The following FHIP2A variants were observed in gnomAD, a reference collection of about 807,000 sequenced individuals.
The protein encoded by FHIP2A is family with sequence similarity 160 member B1.
FHIP2A carries 46 observed loss-of-function variants against 93.5 expected under a neutral mutation model. The observed-to-expected ratio is 0.49, with a 90% CI of 0.39 to 0.63. FHIP2A has a LOEUF of 0.63. Ranked by LOEUF, FHIP2A falls within the 20% of genes least tolerant of loss-of-function variation. FHIP2A has a pLI of 0.00. For missense variants in FHIP2A, 769 were observed against 909.7 expected (o/e 0.85, Z 1.99); for synonymous variants, 332 against 326.5 (o/e 1.02, Z -0.18).
At chr10:114,841,320 T>G (rs1349636133) in intron 5 of FHIP2A, among the ~76,000 whole-genome samples, 7 of 125,204 alleles carry the variant, frequency 5.6e-5, no homozygotes, top group Admixed American at 9.7e-5. Context: ...TGAGGTGGAG[T>G]CTTGCTCTGT....
chr10:114,874,658 A>G (rs1230935571), intron 16 of FHIP2A, among the ~76,000 whole-genome samples: 1 of 152,034 alleles, frequency 6.6e-6, no homozygotes, highest in African/African-American at 2.4e-5. Context: ...GCGTGCCACC[A>G]TGCCCCGCTA....
intron 4 of FHIP2A, among the ~76,000 whole-genome samples, 172 bp downstream of exon 4, chr10:114,835,813 G>A (rs1437788517): frequency 1.3e-5 from 2 of 152,152 alleles, no homozygotes; most frequent in African/African-American, 2.4e-5. Context: ...TGTATTTACA[G>A]TGTACTTACA....
chr10:114,895,781 C>T lies in FHIP2A; in HGVS notation c.2193-3709C>T, dbSNP rs1404837844. Among the ~76,000 whole-genome samples the T allele has an allele frequency of 2.0e-5, 3 of 152,238 alleles. No individual in the cohort carries two copies. The East Asian group carries it at 5.8e-4, about 29-fold the overall frequency. On this transcript the variant is annotated intron_variant, in intron 16 of 16. Coordinates refer to the FHIP2A transcript ENST00000369250. The stretch of plus-strand genomic sequence containing the variant: ...ATCTAGCTGAACAACTATCCCTAAA[C>T]GAGCAAAAAAGATTCTGATTTGAGG...
chr10:114,835,733 A>T, intron 4 of FHIP2A, 92 bp downstream of exon 4: 1 of 795,532 alleles, frequency 1.3e-6, no homozygotes, highest in Non-Finnish European at 1.9e-6. Flanking sequence ...AAAAATAATG[A>T]AATTATTCCA....
Position 114,861,662 on chromosome 10 carries a change from G to A in FHIP2A, c.*122G>A, listed in dbSNP as rs1450244571. 2 of 1,449,744 alleles carry A rather than the reference G, an allele frequency of 1.4e-6. No homozygotes were observed. Among genetic ancestry groups the A allele is most frequent in the Non-Finnish European group, 1.8e-6 (2 of 1,108,490 alleles). 89.8% of individuals were successfully genotyped at this position (1,449,744 alleles called of 1,614,324 possible). On this transcript the variant is annotated 3_prime_UTR_variant, in exon 17 of 17. Transcript: ENST00000369248. ...TTTAAACGCAGTATTGCTGTAAACT[G>A]GACAGAACCATTAAGAACCTATTGA...
In FHIP2A at chr10:114,843,777, A is replaced by G. The variant is rs1592018726; in HGVS notation, c.853A>G (p.Met285Val). 1.3e-6 allele frequency: 2 copies of G among 1,576,156 alleles called. No homozygotes were observed. The highest frequency in any genetic ancestry group is 1.7e-6 in the Non-Finnish European group (2 of 1,168,272). Residue 285 changes from methionine (M) to valine (V), a missense_variant, in exon 7 of 17, where the codon ATG (methionine) becomes GTG (valine). Met to Val is a conservative substitution (Grantham distance 21). Transcript: ENST00000369248. ...AGCTGTGAAGGCATGTGAAGGCTTG[A>G]TGCTGTTAGTAAGTTTGCCAGAGCC... ...RIAVKACEGL[M>V]LLVSLPEPAA...
downstream of FHIP2A, among the ~76,000 whole-genome samples, chr10:114,867,941 AT>A (rs3981290): frequency 0.12 from 16,339 of 140,882 alleles, 948 homozygotes; most frequent in East Asian, 0.26. Flanking sequence ...GTGCTTTATA[AT>A]TTTTTTTTTT....
chr10:114,884,406 G>C (rs916674280), intron 16 of FHIP2A, among the ~76,000 whole-genome samples: 1 of 152,168 alleles, frequency 6.6e-6, no homozygotes, highest in Non-Finnish European at 1.5e-5. Context: ...TTAAACTGCT[G>C]ATCTGCCACG....
chr10:114,849,434 G>T (rs1372910959), intron 13 of FHIP2A, among the ~76,000 whole-genome samples: 1 of 152,072 alleles, frequency 6.6e-6, no homozygotes, highest in Non-Finnish European at 1.5e-5. Context: ...CTGCTGCCCA[G>T]CTCTCACTCC....
rs2083617531 is a variant in FHIP2A at position 114,833,191 on chromosome 10, T to A, written c.125-42T>A. 2.0e-6 allele frequency: 3 copies of A among 1,510,720 alleles called. No homozygotes were observed. The South Asian group carries it at 3.6e-5, about 18-fold the overall frequency. The allele number at this position is 1,510,720 out of a possible 1,614,324, so 93.6% of individuals were successfully genotyped here. A position where few individuals can be genotyped will look rare whatever the true frequency, so the allele number is the denominator to read the frequency against. On this transcript the variant is annotated intron_variant, in intron 2 of 16. Transcript: ENST00000369248. Reference sequence around the variant, plus strand: ...GTATTTTAGGTGCAAATATGCAGTTTAAAAATGTTTAAATATTTGATGAAT... The same window carrying A: ...GTATTTTAGGTGCAAATATGCAGTTAAAAAATGTTTAAATATTTGATGAAT...
exon 17 of FHIP2A, chr10:114,899,747 G>C: frequency 2.2e-6 from 1 of 446,400 alleles, no homozygotes; most frequent in East Asian, 3.3e-5. Flanking sequence ...AAAATCAGGG[G>C]GCTATTACTG....
intron 16 of FHIP2A, among the ~76,000 whole-genome samples, chr10:114,883,197 A>C (rs1354631187): frequency 6.6e-6 from 1 of 152,194 alleles, no homozygotes; most frequent in Non-Finnish European, 1.5e-5. Context: ...GAAACATGGA[A>C]TAGCAGGACC....
intron 16 of FHIP2A, among the ~76,000 whole-genome samples, chr10:114,896,962 G>T (rs1592037993): frequency 2.6e-5 from 4 of 152,272 alleles, no homozygotes; most frequent in Admixed American, 2.0e-4. Flanking sequence ...GACTAATTAG[G>T]AATATAGTAA....
intron 16 of FHIP2A, among the ~76,000 whole-genome samples, chr10:114,888,235 A>G (rs1483733278): frequency 6.6e-6 from 1 of 152,302 alleles, no homozygotes. Flanking sequence ...GTTGGTTTCT[A>G]TAACTCTGAG....
chr10:114,853,510 A>G (rs1592022996), intron 13 of FHIP2A, among the ~76,000 whole-genome samples: 1 of 152,226 alleles, frequency 6.6e-6, no homozygotes, highest in East Asian at 1.9e-4. Flanking sequence ...AAGTAAAGAC[A>G]ATAAAAGTAA....
intron 16 of FHIP2A, among the ~76,000 whole-genome samples, chr10:114,871,606 AAACCTCTAT>A (rs2143014252): frequency 6.6e-6 from 1 of 152,300 alleles, no homozygotes; most frequent in Non-Finnish European, 1.5e-5. Flanking sequence ...CCCTCTGCAG[AAACCTCTAT>A]TACATAATTG....
chr10:114,861,861 T>A lies in FHIP2A; in HGVS notation c.*321T>A. 9.9e-7 allele frequency: 1 copy of A among 1,011,402 alleles called. No homozygotes were observed. Among genetic ancestry groups the A allele is most frequent in the Non-Finnish European group, 1.2e-6 (1 of 846,582 alleles). 62.7% of individuals were successfully genotyped at this position (1,011,402 alleles called of 1,614,324 possible). On this transcript the variant is annotated 3_prime_UTR_variant, in exon 17 of 17. Transcript: ENST00000369248. ...AATATTTCCAATGTCATGACTTTGA[T>A]GATATTTCTGTTATATTAATGTCCT...
At chr10:114,896,693 C>T (rs1433880462) in intron 16 of FHIP2A, among the ~76,000 whole-genome samples, 1 of 152,206 alleles carries the variant, frequency 6.6e-6, no homozygotes, top group Non-Finnish European at 1.5e-5. Flanking sequence ...AACCAATGTA[C>T]TTCTTACACA....
chr10:114,842,484 T>C (rs771506178), intron 5 of FHIP2A, among the ~76,000 whole-genome samples: 6 of 152,192 alleles, frequency 3.9e-5, no homozygotes, highest in Non-Finnish European at 7.3e-5. Context: ...TTTTGAACTT[T>C]AAAATATTTT....
Sources: allele counts gnomAD v4.1 joint callset (sites outside exome capture counted in the v4.1 genomes callset), GRCh38; gene constraint gnomAD v4.1.1; transcripts MANE v1.5; gene names NCBI Gene and HGNC (gene_info 2026-07-23, HGNC 2026-07-21).